ECD: variants seen among roughly 807,000 people sequenced by gnomAD.
ECD encodes the protein ecdysoneless cell cycle regulator.
In ECD, 59 loss-of-function variants were observed where a neutral mutation model predicts 77.2. That is an observed-to-expected ratio of 0.76 (90% CI 0.62 to 0.95). The LOEUF is 0.95. ECD is among the 40% of genes least tolerant of loss of function. The pLI is 0.00. For synonymous variants in ECD, 233 were observed against 267.4 expected, an observed-to-expected ratio of 0.87 and a Z score of 1.26; for missense variants, 704 against 763.4, an observed-to-expected ratio of 0.92 and a Z score of 0.92.
intron 12 of ECD, among the ~76,000 whole-genome samples, chr10:73,137,342 T>A (rs925094928): frequency 2.0e-5 from 3 of 152,176 alleles, no homozygotes; most frequent in Non-Finnish European, 4.4e-5. Context: ...TGCAGTTCTG[T>A]ACATATATAC....
chr10:73,139,365 C>G lies in ECD; in HGVS notation c.1365G>C (p.Glu455Asp). ...EQNYDLTEVS[E>D]SMKAFISKVS... is the part of the protein sequence containing the mutation. ...CTTTGGATATGAAAGCTTTCATGCT[C>G]TCTGAGACTTCAGTTAAGTCATAGT... The change falls in exon 11 of 14, where the codon GAG (glutamate) becomes GAC (aspartate). Residue 455 changes from glutamate (E) to aspartate (D), a missense_variant. Coordinates refer to ENST00000372979, the MANE Select transcript of ECD (RefSeq NM_007265.3). The G allele has an allele frequency of 6.2e-7, 1 of 1,614,154 alleles. No homozygotes were observed. The highest frequency in any genetic ancestry group is 8.5e-7 in the Non-Finnish European group (1 of 1,180,028).
intron 1 of ECD, among the ~76,000 whole-genome samples, chr10:73,167,161 C>T (rs1843487679): frequency 6.6e-6 from 1 of 152,122 alleles, no homozygotes; most frequent in Non-Finnish European, 1.5e-5. Flanking sequence ...TATTCTGTTC[C>T]TGTTTTTATG....
chr10:73,159,642 A>ATTTT (rs1169258127), intron 3 of ECD, among the ~76,000 whole-genome samples: 4 of 123,620 alleles, frequency 3.2e-5, no homozygotes, highest in Admixed American at 8.1e-5. Context: ...CAGTACTTTA[A>ATTTT]TTTTTTTTTT....
At chr10:73,165,340 T>C (rs1349344331) in intron 1 of ECD, among the ~76,000 whole-genome samples, 1 of 152,004 alleles carries the variant, frequency 6.6e-6, no homozygotes, top group Non-Finnish European at 1.5e-5. Context: ...CTTTTCTTTT[T>C]TTCTTTTCTT....
At chr10:73,165,844 G>A (rs7090042) in intron 1 of ECD, among the ~76,000 whole-genome samples, 23,922 of 151,776 alleles carry the variant, frequency 0.16, 3,137 homozygotes, top group African/African-American at 0.34. Context: ...TCTGAACTTC[G>A]TTATTTTTAA....
In ECD at chr10:73,156,633, AT is replaced by A. The variant is rs754936478; in HGVS notation, c.345del (p.Glu115AspfsTer4). On this transcript the variant is annotated frameshift_variant, in exon 4 of 14. Transcript: ENST00000372979. LOFTEE classifies it high-confidence loss of function. ...AAGTCAGCAGCTTCTATTAACAAGA[AT>A]TCACCATCATTGTCTTCAATCCTAA... ...LVARIEDNDG[E>X]FLLIEAADFL... 1.2e-6 allele frequency: 2 copies of A among 1,613,710 alleles called. No homozygotes were observed. The highest frequency in any genetic ancestry group is 2.2e-5 in the South Asian group (2 of 91,066).
chr10:73,142,588 C>G (rs976293615), intron 9 of ECD, among the ~76,000 whole-genome samples: 1 of 144,908 alleles, frequency 6.9e-6, no homozygotes, highest in African/African-American at 2.6e-5. Context: ...GAGCTGAGAT[C>G]GTGCCACTAC....
At chr10:73,159,176 A>C (rs1843342065) in intron 3 of ECD, among the ~76,000 whole-genome samples, 1 of 152,240 alleles carries the variant, frequency 6.6e-6, no homozygotes, top group Admixed American at 6.5e-5. Context: ...TGGGTAAAAA[A>C]AGATCAGAAT....
At chr10:73,158,173 C>T (rs1843325379) in intron 3 of ECD, among the ~76,000 whole-genome samples, 1 of 151,812 alleles carries the variant, frequency 6.6e-6, no homozygotes, top group Non-Finnish European at 1.5e-5. Flanking sequence ...GTTGGCCAGG[C>T]TCGTCTCGAA....
Position 73,152,323 on chromosome 10 carries a change from C to A in ECD, c.882G>T (p.Gln294His), listed in dbSNP as rs1201614516. ...TCATGCCCAATTCATGGGCTCGGTA[C>A]TGGGGATCAGATGGAGGAGGCAGCC... ...GYRLPPPSDP[Q>H]YRAHELGMKL... The change falls in exon 7 of 14, where the codon CAG becomes CAT. Residue 294 changes from glutamine (Q) to histidine (H), a missense_variant. Gln to His is a conservative substitution (Grantham distance 24). Transcript: ENST00000372979. 6.2e-7 allele frequency: 1 copy of A among 1,613,786 alleles called. No individual in the cohort carries two copies. Among genetic ancestry groups the A allele is most frequent in the East Asian group, 2.2e-5 (1 of 44,856 alleles).
chr10:73,149,175 A>G (rs189612394), intron 7 of ECD, among the ~76,000 whole-genome samples: 52 of 152,332 alleles, frequency 3.4e-4, no homozygotes, highest in Admixed American at 3.0e-3. Context: ...GTCTCCTGCT[A>G]CTATGAACAA....
chr10:73,147,991 G>A (rs935495967), intron 8 of ECD, among the ~76,000 whole-genome samples: 1 of 151,712 alleles, frequency 6.6e-6, no homozygotes, highest in Admixed American at 6.6e-5. Context: ...TTCCTATCTG[G>A]TGTTTTCATG....
chr10:73,152,923 T>A lies in ECD; in HGVS notation c.784-502A>T, dbSNP rs1025770849. 2.7e-3 allele frequency among the ~76,000 whole-genome samples: 353 copies of A among 130,130 alleles called. 1 individual carries two copies. The highest frequency in any genetic ancestry group is 0.012 in the African/African-American group (337 of 29,276). The allele number at this position is 130,130 out of a possible 152,430, so 85.4% of individuals were successfully genotyped here. ...GAGCAAGACACTGTTGCAAAAAAAA[T>A]TTTACCCTACTGCCTACTTTTTAGT... On this transcript the variant is annotated intron_variant, in intron 6 of 13. Transcript: ENST00000372979.
chr10:73,168,082 G>A (rs1277603523), upstream of ECD: 4 of 523,232 alleles, frequency 7.6e-6, no homozygotes, highest in African/African-American at 8.2e-5. Context: ...GCTGTGCGTC[G>A]GCGGGAGCAT....
chr10:73,168,095 T>G, upstream of ECD: 1 of 535,500 alleles, frequency 1.9e-6, no homozygotes, highest in South Asian at 2.3e-5. Flanking sequence ...GGGAGCATTT[T>G]GCGAGTGTCC....
chr10:73,143,682 A>G lies in ECD; in HGVS notation c.1127+2594T>C, dbSNP rs367823863. The stretch of plus-strand genomic sequence containing the variant: ...CTCTCAAGCATTTATCCTTCGAGTT[A>G]CAAACAATCCAATTACACTCTATGT... On this transcript the variant is annotated intron_variant, in intron 9 of 13. Transcript: ENST00000372979. Among the ~76,000 whole-genome samples the G allele has an allele frequency of 7.7e-4, 117 of 152,176 alleles. 2 individuals carry two copies. The South Asian group carries it at 0.013, about 16-fold the overall frequency.
At chr10:73,165,705 T>C (rs1009195254) in intron 1 of ECD, among the ~76,000 whole-genome samples, 1 of 152,018 alleles carries the variant, frequency 6.6e-6, no homozygotes, top group Non-Finnish European at 1.5e-5. Context: ...ATACAATGCA[T>C]AATAAGCACC....
intron 9 of ECD, among the ~76,000 whole-genome samples, chr10:73,145,657 CTTTT>C (rs748175828): frequency 2.4e-5 from 3 of 124,132 alleles, no homozygotes; most frequent in Non-Finnish European, 3.3e-5. Flanking sequence ...TATTGTGCAG[CTTTT>C]TTTTTTTTTT....
intron 3 of ECD, among the ~76,000 whole-genome samples, chr10:73,156,870 A>G (rs1843303805): frequency 6.6e-6 from 1 of 152,194 alleles, no homozygotes; most frequent in South Asian, 2.1e-4. Flanking sequence ...AGATATGATA[A>G]GGAGAGAAGA....
Sources: gnomAD v4.1 joint callset for allele counts (sites outside exome capture counted in the v4.1 genomes callset) on GRCh38, gnomAD v4.1.1 for gene constraint, MANE v1.5 for transcripts, NCBI Gene and HGNC (gene_info 2026-07-23, HGNC 2026-07-21) for gene names.